Variants in NWD2 observed in about 807,000 individuals in gnomAD.
The protein encoded by NWD2 is NACHT and WD repeat domain-containing protein 2.
Under a neutral mutation model 132.7 loss-of-function variants are expected in NWD2, and 37 were observed. The observed-to-expected ratio is 0.28, with a 90% confidence interval of 0.21 to 0.37. The LOEUF is 0.37. Ranked by LOEUF, NWD2 falls within the 10% of genes least tolerant of loss-of-function variation. The pLI, the probability that NWD2 is intolerant of heterozygous loss-of-function variation, is 1.00. For synonymous variants in NWD2, 705 were observed against 803.0 expected (o/e 0.88, Z 2.06); for missense variants, 1,592 against 2,122.4 (o/e 0.75, Z 4.91).
At chr4:37,438,659 C>G in intron 5 of NWD2, 142 bp from the exon 6 acceptor site, 1 of 584,672 alleles carries the variant, frequency 1.7e-6, no homozygotes, top group Non-Finnish European at 2.9e-6. Context: ...AATAGGAAAT[C>G]AAGAAATTAT....
At chr4:37,303,736 G>A (rs921375529) in intron 1 of NWD2, among the ~76,000 whole-genome samples, 16 of 152,074 alleles carry the variant, frequency 1.1e-4, no homozygotes, top group African/African-American at 1.9e-4. Flanking sequence ...CAGCTAGTTC[G>A]TTTTGGTGTA....
intron 1 of NWD2, among the ~76,000 whole-genome samples, chr4:37,279,382 C>G (rs1718085014): frequency 6.6e-6 from 1 of 152,108 alleles, no homozygotes; most frequent in Non-Finnish European, 1.5e-5. Context: ...ATTTACTGTT[C>G]ATTGCCATAA....
chr4:37,336,952 G>A (rs199574806), intron 2 of NWD2, among the ~76,000 whole-genome samples: 6,751 of 118,486 alleles, frequency 0.057, no homozygotes, highest in Non-Finnish European at 0.066. Context: ...CTCAAAAAAA[G>A]AAAAAAAAAA....
At chr4:37,286,939 C>T (rs763422478) in intron 1 of NWD2, among the ~76,000 whole-genome samples, 10 of 152,242 alleles carry the variant, frequency 6.6e-5, no homozygotes, top group East Asian at 1.9e-4. Flanking sequence ...CCATAACTAG[C>T]GTGTGAATCC....
intron 1 of NWD2, among the ~76,000 whole-genome samples, chr4:37,292,139 A>G (rs1718376058): frequency 6.6e-6 from 1 of 152,136 alleles, no homozygotes; most frequent in South Asian, 2.1e-4. Context: ...TGTGAGGTGC[A>G]TTCCCTTAGG....
At position 37,445,199 on chromosome 4, in the gene NWD2, G is replaced by T; in HGVS notation, c.3211G>T (p.Ala1071Ser). 1.3e-6 allele frequency: 2 copies of T among 1,551,940 alleles called. No individual in the cohort carries two copies. The highest frequency in any genetic ancestry group is 1.7e-4 in the Middle Eastern group (1 of 5,994). ...INGFTLSANHALAWLEASKDV... is the reference protein window; with the variant it reads ...INGFTLSANHSLAWLEASKDV... Reference sequence around the variant, plus strand: ...TGGATTTACACTGTCCGCCAACCACGCCCTTGCATGGCTCGAAGCCAGCAA... The same window carrying T: ...TGGATTTACACTGTCCGCCAACCACTCCCTTGCATGGCTCGAAGCCAGCAA... Residue 1071 changes from alanine to serine, a missense_variant, in exon 7 of 7, where the codon GCC becomes TCC. Physicochemically the swap from Ala to Ser is moderately conservative, Grantham distance 99. Transcript: ENST00000309447. The surrounding 1 kb of genome is among the most constrained non-coding windows in gnomAD (Gnocchi z 4.7).
intron 3 of NWD2, among the ~76,000 whole-genome samples, chr4:37,400,483 C>G (rs754838596): frequency 6.6e-6 from 1 of 152,186 alleles, no homozygotes; most frequent in Non-Finnish European, 1.5e-5. Flanking sequence ...ATCATCAATT[C>G]ACTTAGAAGG....
intron 1 of NWD2, among the ~76,000 whole-genome samples, chr4:37,272,208 A>G (rs1477717594): frequency 6.6e-6 from 1 of 151,650 alleles, no homozygotes; most frequent in Non-Finnish European, 1.5e-5. Context: ...TTAATTTTCT[A>G]ATATTTTAAG....
intron 1 of NWD2, among the ~76,000 whole-genome samples, chr4:37,307,037 A>G (rs73240364): frequency 0.23 from 34,754 of 151,434 alleles, 4,701 homozygotes; most frequent in Middle Eastern, 0.39. Context: ...AAAAAAAAAA[A>G]AGAATGTTCT....
In NWD2 at chr4:37,354,321, G is replaced by C. The variant is rs183463170; in HGVS notation, c.241-2045G>C. Among the ~76,000 whole-genome samples the C allele has an allele frequency of 5.9e-5, 9 of 152,306 alleles. No homozygotes were observed. In the East Asian group the frequency reaches 1.5e-3, roughly 26 times the overall value. On this transcript the variant is annotated intron_variant, in intron 2 of 6. Transcript: ENST00000309447. ...GTCTCCCAATCAGGAGGCATGGGGGGTCAGGGACCCACTTGAGGAGGCAGT... is the reference window on the plus strand; with the variant it reads ...GTCTCCCAATCAGGAGGCATGGGGGCTCAGGGACCCACTTGAGGAGGCAGT...
chr4:37,292,130 G>T (rs1232998651), intron 1 of NWD2, among the ~76,000 whole-genome samples: 1 of 152,088 alleles, frequency 6.6e-6, no homozygotes, highest in African/African-American at 2.4e-5. Flanking sequence ...GGCCCCACTT[G>T]TGAGGTGCAT....
chr4:37,270,202 C>G (rs1433875984), intron 1 of NWD2, among the ~76,000 whole-genome samples: 1 of 151,682 alleles, frequency 6.6e-6, no homozygotes. Context: ...TTTTATACAA[C>G]TTGAATAAGG....
chr4:37,359,387 A>G (rs1281131384), intron 3 of NWD2, among the ~76,000 whole-genome samples: 2 of 152,064 alleles, frequency 1.3e-5, no homozygotes, highest in Non-Finnish European at 2.9e-5. Flanking sequence ...CTTATAGAAA[A>G]AGAAAAAAAA....
rs115358038 is a variant in NWD2, at chr4:37,294,135, T to C, written c.152-31801T>C. On this transcript the variant is annotated intron_variant, in intron 1 of 6. Coordinates refer to ENST00000309447, the MANE Select transcript of NWD2 (RefSeq NM_001144990.2). The stretch of plus-strand genomic sequence containing the variant: ...AATATAATGGGAGGGAACCACAGAG[T>C]TGATGCAATAAGACAAATGTGAGAG... Among the ~76,000 whole-genome samples, 616 of 152,042 alleles carry C rather than the reference T, an allele frequency of 4.1e-3. 7 individuals carry two copies. The highest frequency in any genetic ancestry group is 0.014 in the African/African-American group (564 of 41,470).
chr4:37,356,327 C>A, intron 2 of NWD2, 39 bp from the exon 3 acceptor site: 1 of 1,089,598 alleles, frequency 9.2e-7, no homozygotes, highest in Non-Finnish European at 1.3e-6. Context: ...AAAACAAAGC[C>A]CACATGTAAA....
chr4:37,445,475 G>A lies in NWD2; in HGVS notation c.3487G>A (p.Glu1163Lys). ...TCAGGAAATGGTCATGGTAGACAGT[G>A]AAGGAAGTCTTTCTGTTTGGAATAC... ...TAQEMVMVDSEGSLSVWNTED... is the reference protein window; with the variant it reads ...TAQEMVMVDSKGSLSVWNTED... Residue 1163 changes from glutamate to lysine, a missense_variant, in exon 7 of 7, where the codon GAA becomes AAA. Coordinates refer to ENST00000309447, the MANE Select transcript of NWD2 (RefSeq NM_001144990.2). This position sits in a 1 kb window ranked among gnomAD's most constrained non-coding sequence, Gnocchi z 4.7. The A allele has an allele frequency of 1.3e-6, 2 of 1,551,814 alleles. No individual in the cohort carries two copies. The highest frequency in any genetic ancestry group is 1.7e-6 in the Non-Finnish European group (2 of 1,147,036).
At chr4:37,245,479 A>C (rs1280258915) in intron 1 of NWD2, among the ~76,000 whole-genome samples, 1 of 150,986 alleles carries the variant, frequency 6.6e-6, no homozygotes, top group African/African-American at 2.4e-5. Flanking sequence ...AGAAACATCC[A>C]AGGCATTAGC....
At position 37,433,857 on chromosome 4, in the gene NWD2, C is replaced by A. The variant is rs1345938708; in HGVS notation, c.562-19C>A. ...TTTGATGATTGTAAGACTAATTTCT[C>A]CCTTTTACATTTCTATAGATGCAGC... On this transcript the variant is annotated intron_variant, in intron 4 of 6. Coordinates refer to ENST00000309447, the MANE Select transcript of NWD2 (RefSeq NM_001144990.2). The A allele has an allele frequency of 6.6e-7, 1 of 1,505,846 alleles. No homozygotes were observed. The highest frequency in any genetic ancestry group is 8.9e-7 in the Non-Finnish European group (1 of 1,126,874). 93.3% of individuals were successfully genotyped at this position (1,505,846 alleles called of 1,614,324 possible). A position where few individuals can be genotyped will look rare whatever the true frequency, so the allele number is the denominator to read the frequency against.
At position 37,341,157 on chromosome 4, in the gene NWD2, C is replaced by G. The variant is rs555971726; in HGVS notation, c.240+15133C>G. On this transcript the variant is annotated intron_variant, in intron 2 of 6. Coordinates refer to ENST00000309447, the MANE Select transcript of NWD2 (RefSeq NM_001144990.2). ...ACCATTCTGTTTTTCACTTTCAATA[C>G]AGTATTCTTTGAATTACATGAGATA... 1.0e-3 allele frequency among the ~76,000 whole-genome samples: 158 copies of G among 152,318 alleles called. 2 individuals are homozygous for G. The highest frequency in any genetic ancestry group is 4.9e-4 in the Non-Finnish European group (33 of 68,018).
Sources: allele counts gnomAD v4.1 joint callset (sites outside exome capture counted in the v4.1 genomes callset), GRCh38; gene constraint gnomAD v4.1.1; non-coding constraint Gnocchi (gnomAD v3.1); transcripts MANE v1.5; gene names NCBI Gene and HGNC (gene_info 2026-07-23, HGNC 2026-07-21).